The following HS6ST3 variants were observed in gnomAD, a reference collection of about 807,000 sequenced individuals.
The protein encoded by HS6ST3 is heparan sulfate 6-O-sulfotransferase 3, also known as heparan-sulfate 6-O-sulfotransferase 3.
Under a neutral mutation model 36.7 loss-of-function variants are expected in HS6ST3, and 12 were observed. The observed-to-expected ratio is 0.33, with a 90% CI of 0.21 to 0.53. The LOEUF is 0.53. Among genes scored for constraint, HS6ST3 ranks in the 20% least tolerant of loss-of-function variants. The pLI is 0.95. For synonymous variants in HS6ST3, 240 were observed against 257.5 expected (o/e 0.93, Z 0.65); for missense variants, 584 against 640.9 (o/e 0.91, Z 0.96).
chr13:96,129,570 T>C (rs1174668671), intron 1 of HS6ST3, among the ~76,000 whole-genome samples: 3 of 152,314 alleles, frequency 2.0e-5, no homozygotes, highest in African/African-American at 4.8e-5. Flanking sequence ...CAAAGTTAAT[T>C]TGGAGCTTAT....
chr13:96,296,747 C>G (rs1224790868), intron 1 of HS6ST3, among the ~76,000 whole-genome samples: 1 of 152,182 alleles, frequency 6.6e-6, no homozygotes, highest in Admixed American at 6.6e-5. Context: ...AGTTATATCT[C>G]TTTTATAATA....
At chr13:96,167,639 T>G (rs1475839068) in intron 1 of HS6ST3, among the ~76,000 whole-genome samples, 1 of 152,226 alleles carries the variant, frequency 6.6e-6, no homozygotes, top group Non-Finnish European at 1.5e-5. Context: ...GAGGAAAGGT[T>G]TATTAGACAA....
At chr13:96,250,766 A>G (rs555270947) in intron 1 of HS6ST3, among the ~76,000 whole-genome samples, 2 of 152,308 alleles carry the variant, frequency 1.3e-5, no homozygotes, top group East Asian at 1.9e-4. Context: ...TACCTTCTAC[A>G]CATAATTTGT....
At chr13:96,376,300 C>T (rs1402008159) in intron 1 of HS6ST3, among the ~76,000 whole-genome samples, 1 of 152,176 alleles carries the variant, frequency 6.6e-6, no homozygotes, top group African/African-American at 2.4e-5. Flanking sequence ...GGATTATGAA[C>T]TACAGACGCT....
chr13:96,119,635 G>C (rs1393047070), intron 1 of HS6ST3, among the ~76,000 whole-genome samples: 4 of 152,226 alleles, frequency 2.6e-5, no homozygotes, highest in African/African-American at 9.6e-5. Context: ...ATTTGCATCG[G>C]ATCTATCCCA....
At chr13:96,464,372 A>G (rs2055801983) in intron 1 of HS6ST3, among the ~76,000 whole-genome samples, 2 of 152,028 alleles carry the variant, frequency 1.3e-5, no homozygotes, top group Non-Finnish European at 2.9e-5. Flanking sequence ...CACCTGAATA[A>G]GGACATTTTC....
chr13:96,250,722 G>A (rs151179544), intron 1 of HS6ST3, among the ~76,000 whole-genome samples: 4 of 152,166 alleles, frequency 2.6e-5, no homozygotes, highest in Non-Finnish European at 5.9e-5. Flanking sequence ...ACTTCTCTCC[G>A]TTCGGCAAAA....
chr13:96,318,458 G>A (rs1325110350), intron 1 of HS6ST3, among the ~76,000 whole-genome samples: 7 of 152,156 alleles, frequency 4.6e-5, no homozygotes, highest in South Asian at 4.1e-4. Context: ...GCTTGAACCC[G>A]GGAAGCGGAG....
chr13:96,293,462 T>G (rs1327778622), intron 1 of HS6ST3, among the ~76,000 whole-genome samples: 1 of 152,016 alleles, frequency 6.6e-6, no homozygotes, highest in Non-Finnish European at 1.5e-5. Flanking sequence ...TATAACAAAT[T>G]CTCATACGTG....
At chr13:96,418,640 A>G (rs1334881361) in intron 1 of HS6ST3, among the ~76,000 whole-genome samples, 3 of 152,174 alleles carry the variant, frequency 2.0e-5, no homozygotes, top group East Asian at 1.9e-4. Flanking sequence ...TAATGCTTCA[A>G]TCAGCCACCA....
At chr13:96,697,067 C>T (rs1875149358) in intron 1 of HS6ST3, among the ~76,000 whole-genome samples, 1 of 151,756 alleles carries the variant, frequency 6.6e-6, no homozygotes, top group Non-Finnish European at 1.5e-5. Context: ...CTATTATATT[C>T]AGGGAGATTT....
intron 1 of HS6ST3, among the ~76,000 whole-genome samples, chr13:96,172,297 G>A (rs941060841): frequency 7.2e-5 from 11 of 152,164 alleles, no homozygotes; most frequent in Non-Finnish European, 1.6e-4. Flanking sequence ...TCATCAAAGG[G>A]TATATCATGC....
At chr13:96,539,885 T>C (rs1016146109) in intron 1 of HS6ST3, among the ~76,000 whole-genome samples, 9 of 152,192 alleles carry the variant, frequency 5.9e-5, no homozygotes, top group South Asian at 2.1e-4. Flanking sequence ...TACTCCCTTA[T>C]GGCCCATGCA....
chr13:96,547,559 T>C (rs1247536177), intron 1 of HS6ST3, among the ~76,000 whole-genome samples: 1 of 152,214 alleles, frequency 6.6e-6, no homozygotes, highest in East Asian at 1.9e-4. Flanking sequence ...GTGGTTTCCT[T>C]GTTTAAAAAG....
At chr13:96,239,151 C>G (rs2054548559) in intron 1 of HS6ST3, among the ~76,000 whole-genome samples, 1 of 152,166 alleles carries the variant, frequency 6.6e-6, no homozygotes, top group South Asian at 2.1e-4. Flanking sequence ...CATGCAATGA[C>G]TCAGAATGGA....
intron 1 of HS6ST3, among the ~76,000 whole-genome samples, chr13:96,521,410 G>C (rs2056092993): frequency 6.6e-6 from 1 of 152,198 alleles, no homozygotes; most frequent in Non-Finnish European, 1.5e-5. Flanking sequence ...GATTGGAATA[G>C]TTTCAGAAGG....
intron 1 of HS6ST3, among the ~76,000 whole-genome samples, chr13:96,175,506 T>C (rs1302398103): frequency 2.6e-5 from 4 of 151,964 alleles, no homozygotes; most frequent in Non-Finnish European, 5.9e-5. Context: ...ATTGTTTTTT[T>C]AAAAAAAATA....
At chr13:96,394,077 C>CT (rs1165660682) in intron 1 of HS6ST3, among the ~76,000 whole-genome samples, 1 of 152,120 alleles carries the variant, frequency 6.6e-6, no homozygotes, top group African/African-American at 2.4e-5. Flanking sequence ...CCAAAATATG[C>CT]TTTTTTCAGT....
chr13:96,168,707 AT>A (rs142340085), intron 1 of HS6ST3, among the ~76,000 whole-genome samples: 3,331 of 150,828 alleles, frequency 0.022, 45 homozygotes, highest in South Asian at 0.054. Context: ...AAAAAAAAAA[AT>A]TACTATTTTA....
Sources: allele counts gnomAD v4.1 joint callset (sites outside exome capture counted in the v4.1 genomes callset), GRCh38; gene constraint gnomAD v4.1.1; transcripts MANE v1.5; gene names NCBI Gene and HGNC (gene_info 2026-07-23, HGNC 2026-07-21).